The following DPP10 variants were observed in gnomAD, a reference collection of about 807,000 sequenced individuals.
The protein encoded by DPP10 is inactive dipeptidyl peptidase 10.
Under a neutral mutation model 120.9 loss-of-function variants are expected in DPP10, and 33 were observed. The ratio of observed to expected loss-of-function variants is 0.27; its 90% CI spans 0.21 to 0.37. DPP10 has a LOEUF of 0.37. DPP10 is among the 10% of genes least tolerant of loss of function. The pLI, the probability that DPP10 is intolerant of heterozygous loss-of-function variation, is 1.00. For synonymous variants in DPP10, 337 were observed against 326.1 expected (o/e 1.03, Z -0.36); for missense variants, 816 against 942.8 (o/e 0.87, Z 1.76).
intron 1 of DPP10, among the ~76,000 whole-genome samples, chr2:114,752,710 G>T (rs566964732): frequency 6.6e-6 from 1 of 152,126 alleles, no homozygotes; most frequent in Non-Finnish European, 1.5e-5. Context: ...TTTCTAAAAC[G>T]TTCTGTTACT....
At chr2:115,662,267 C>T (rs962749094) in intron 5 of DPP10, among the ~76,000 whole-genome samples, 15 of 152,132 alleles carry the variant, frequency 9.9e-5, no homozygotes, top group African/African-American at 3.1e-4. Context: ...CCATCCACTG[C>T]AAGACATTTT....
intron 3 of DPP10, among the ~76,000 whole-genome samples, chr2:115,403,646 C>T (rs2068284193): frequency 6.6e-6 from 1 of 152,058 alleles, no homozygotes; most frequent in African/African-American, 2.4e-5. Flanking sequence ...GTGATCCATC[C>T]ACCTGCTTCA....
intron 1 of DPP10, among the ~76,000 whole-genome samples, chr2:114,820,808 A>G (rs1686025733): frequency 6.6e-6 from 1 of 152,184 alleles, no homozygotes; most frequent in African/African-American, 2.4e-5. Context: ...ACAACTGGCG[A>G]TGAGATTTGG....
chr2:115,202,232 A>G (rs1313368926), intron 1 of DPP10, among the ~76,000 whole-genome samples: 1 of 152,158 alleles, frequency 6.6e-6, no homozygotes, highest in Non-Finnish European at 1.5e-5. Flanking sequence ...CCTAGCCTAC[A>G]TTATATAATT....
intron 3 of DPP10, among the ~76,000 whole-genome samples, chr2:115,424,578 A>T (rs2104713803): frequency 6.6e-6 from 1 of 152,100 alleles, no homozygotes; most frequent in South Asian, 2.1e-4. Context: ...CTTTGTAGTC[A>T]CTTTGTTACT....
intron 1 of DPP10, among the ~76,000 whole-genome samples, chr2:114,831,204 C>T (rs1687088715): frequency 6.6e-6 from 1 of 151,866 alleles, no homozygotes; most frequent in South Asian, 2.1e-4. Context: ...TCTGCTTTCT[C>T]AAGTTTTTAT....
intron 3 of DPP10, among the ~76,000 whole-genome samples, chr2:115,461,177 TAGTC>T (rs769600037): frequency 7.9e-5 from 12 of 152,094 alleles, no homozygotes; most frequent in East Asian, 1.9e-4. Context: ...ACGCTCAAAA[TAGTC>T]AGTCTTAAAT....
intron 1 of DPP10, among the ~76,000 whole-genome samples, chr2:115,302,373 G>A (rs996181453): frequency 6.6e-6 from 1 of 151,862 alleles, no homozygotes; most frequent in Non-Finnish European, 1.5e-5. Context: ...ATATAATTGC[G>A]AGTTCTTTTA....
At chr2:115,275,262 G>C (rs973462477) in intron 1 of DPP10, among the ~76,000 whole-genome samples, 1 of 152,146 alleles carries the variant, frequency 6.6e-6, no homozygotes, top group Admixed American at 6.5e-5. Flanking sequence ...TCTATATTGA[G>C]TTCCCTGATT....
chr2:114,663,116 A>C (rs1697557320), intron 1 of DPP10, among the ~76,000 whole-genome samples: 1 of 152,038 alleles, frequency 6.6e-6, no homozygotes, highest in South Asian at 2.1e-4. Context: ...GTACAGCACA[A>C]AGGAAGCTGG....
At chr2:114,741,207 A>G (rs1019987429) in intron 1 of DPP10, among the ~76,000 whole-genome samples, 1 of 152,228 alleles carries the variant, frequency 6.6e-6, no homozygotes, top group Non-Finnish European at 1.5e-5. Context: ...TACCAAAGCT[A>G]CTTACCAGGC....
intron 1 of DPP10, among the ~76,000 whole-genome samples, chr2:115,274,199 T>C (rs1447631566): frequency 6.6e-6 from 1 of 152,202 alleles, no homozygotes; most frequent in Non-Finnish European, 1.5e-5. Flanking sequence ...TCTTATTATA[T>C]AAATGATAGA....
At chr2:115,802,503 G>C (rs1427582798) in intron 19 of DPP10, among the ~76,000 whole-genome samples, 1 of 152,084 alleles carries the variant, frequency 6.6e-6, no homozygotes, top group Non-Finnish European at 1.5e-5. Context: ...TGCTTTTCTA[G>C]TTCTTTTAAT....
At chr2:114,861,142 G>A (rs1689779327) in intron 1 of DPP10, among the ~76,000 whole-genome samples, 1 of 152,206 alleles carries the variant, frequency 6.6e-6, no homozygotes, top group African/African-American at 2.4e-5. Context: ...AAGAGTGCCT[G>A]TGACATGAAC....
rs117724057 is a variant in DPP10, at chr2:115,363,483, T to C, written c.271+19571T>C. Among the ~76,000 whole-genome samples the C allele has an allele frequency of 2.0e-4, 31 of 152,214 alleles. No homozygotes were observed. In the East Asian group the frequency reaches 5.6e-3, roughly 28 times the overall value. ...TCTAAGGCCCAACCAACCACCAAGG[T>C]AGAGAAGGAACATATCTGTGAATCA... On this transcript the variant is annotated intron_variant, in intron 3 of 25. Transcript: ENST00000410059.
chr2:115,435,106 T>G (rs1432946813), intron 3 of DPP10, among the ~76,000 whole-genome samples: 2 of 151,660 alleles, frequency 1.3e-5, no homozygotes, highest in African/African-American at 2.4e-5. Context: ...CATCTGTTAT[T>G]CCATATATTG....
chr2:115,736,495 G>T (rs889846760), intron 8 of DPP10, among the ~76,000 whole-genome samples: 1 of 152,066 alleles, frequency 6.6e-6, no homozygotes, highest in Non-Finnish European at 1.5e-5. Flanking sequence ...AGGTAATGTG[G>T]ATTATTATGG....
At chr2:115,214,183 A>C (rs2056680497) in intron 1 of DPP10, among the ~76,000 whole-genome samples, 2 of 152,162 alleles carry the variant, frequency 1.3e-5, no homozygotes, top group African/African-American at 4.8e-5. Flanking sequence ...GCAGTTGTGG[A>C]TGTGGAATGA....
intron 5 of DPP10, among the ~76,000 whole-genome samples, chr2:115,621,896 T>G (rs1023135354): frequency 1.3e-5 from 2 of 152,098 alleles, no homozygotes; most frequent in Non-Finnish European, 2.9e-5. Flanking sequence ...CAGGCTGGTC[T>G]CAAACTCCTG....
Sources: allele counts gnomAD v4.1 joint callset (sites outside exome capture counted in the v4.1 genomes callset), GRCh38; gene constraint gnomAD v4.1.1; transcripts MANE v1.5; gene names NCBI Gene and HGNC (gene_info 2026-07-23, HGNC 2026-07-21).